Variants in ZNF333 observed in about 807,000 individuals in gnomAD.
ZNF333 encodes the protein zinc finger protein 333.
In ZNF333, 61 loss-of-function variants were observed where a neutral mutation model predicts 76.1. The ratio of observed to expected loss-of-function variants is 0.80; its 90% CI spans 0.65 to 0.99. ZNF333 has a LOEUF of 0.99. Among genes scored for constraint, ZNF333 ranks in the 50% least tolerant of loss-of-function variants. The probability of loss-of-function intolerance (pLI) is 0.00; values close to 1 mark genes in which losing one functional copy is unlikely to be tolerated. For missense variants in ZNF333, 717 were observed against 822.4 expected, an observed-to-expected ratio of 0.87 and a Z score of 1.57; for synonymous variants, 284 against 305.0, an observed-to-expected ratio of 0.93 and a Z score of 0.72.
intron 7 of ZNF333, 181 bp from the exon 8 acceptor site, chr19:14,715,200 AT>A: frequency 1.7e-6 from 1 of 579,540 alleles, no homozygotes; most frequent in South Asian, 2.0e-5. Context: ...TGTGCATGTG[AT>A]TGCATGCATG....
exon 12 of ZNF333, chr19:14,731,257 A>C: frequency 7.1e-7 from 1 of 1,416,332 alleles, no homozygotes; most frequent in African/African-American, 1.4e-5. Context: ...CTGGATATCA[A>C]AGGATCACTA....
At position 14,704,949 on chromosome 19, in the gene ZNF333, G is replaced by T. The variant is rs1599717434; in HGVS notation, c.307-105G>T. On this transcript the variant is annotated intron_variant, in intron 5 of 11. Transcript: ENST00000292530. The stretch of plus-strand genomic sequence containing the variant: ...TGAGCCACTGCACCCATCCCCATTT[G>T]CCTTGACTTCTGGCAGCCCTAAGCC... The T allele has an allele frequency of 1.4e-5, 15 of 1,052,806 alleles. No homozygotes were observed. In the East Asian group the frequency reaches 3.7e-4, roughly 26 times the overall value. 65.2% of individuals were successfully genotyped at this position (1,052,806 alleles called of 1,614,324 possible).
intron 11 of ZNF333, chr19:14,731,084 T>A: frequency 1.8e-6 from 2 of 1,130,476 alleles, no homozygotes; most frequent in Non-Finnish European, 2.6e-6. Flanking sequence ...GCACCGCCCC[T>A]CCTGCCCCCT....
intron 7 of ZNF333, among the ~76,000 whole-genome samples, chr19:14,707,615 T>C (rs2042151570): frequency 7.2e-6 from 1 of 139,050 alleles, no homozygotes; most frequent in African/African-American, 2.7e-5. Flanking sequence ...GCAGTGGCAC[T>C]ATCCCGGCTC....
At position 14,695,639 on chromosome 19, in the gene ZNF333, G is replaced by C; in HGVS notation, c.201G>C (p.Gly67=). ...QRAEPKATER[G]ILRATGVAWE... ...CAGAGCCAAAGGCAACAGAACGAGG[G>C]ATTCTCCGTGCCACAGGTGTTGGTG... Residue 67 remains glycine, a synonymous_variant, in exon 4 of 12, where the codon GGG becomes GGC. Coordinates refer to ENST00000292530, the MANE Select transcript of ZNF333 (RefSeq NM_032433.4). 1.2e-6 allele frequency: 2 copies of C among 1,614,140 alleles called. No homozygotes were observed. Among genetic ancestry groups the C allele is most frequent in the East Asian group, 4.5e-5 (2 of 44,874 alleles).
chr19:14,699,403 C>T lies in ZNF333; in HGVS notation c.306+122C>T, dbSNP rs1438072480. The T allele has an allele frequency of 4.6e-6, 4 of 860,516 alleles. No homozygotes were observed. In the Admixed American group the frequency reaches 7.9e-5, roughly 17 times the overall value. The allele number at this position is 860,516 out of a possible 1,614,324, so 53.3% of individuals were successfully genotyped here. On this transcript the variant is annotated intron_variant, in intron 5 of 11. Transcript: ENST00000292530. The stretch of plus-strand genomic sequence containing the variant: ...GCATGGGTGTCTCTTGGAAGGGAAA[C>T]AGTGTCTGAGGGGAGTGCCTGTGAC...
At position 14,704,145 on chromosome 19, in the gene ZNF333, CT is replaced by C. The variant is rs79089848; in HGVS notation, c.307-907del. Among the ~76,000 whole-genome samples, 179 of 152,218 alleles carry C rather than the reference CT, an allele frequency of 1.2e-3. 3 individuals carry two copies. In the East Asian group the frequency reaches 0.029, roughly 25 times the overall value. The stretch of plus-strand genomic sequence containing the variant: ...TCTATAGTGAAATGTCTCATAGCCT[CT>C]TCAGGGGCTCTGTCCTAACCTCAGG... On this transcript the variant is annotated intron_variant, in intron 5 of 11. Transcript: ENST00000292530.
chr19:14,699,978 T>C (rs3861315), intron 5 of ZNF333, among the ~76,000 whole-genome samples: 1 of 151,892 alleles, frequency 6.6e-6, no homozygotes, highest in Non-Finnish European at 1.5e-5. Context: ...GGCACAGATA[T>C]TGGCGAGCTT....
At chr19:14,727,195 T>C (rs2042638503) in intron 11 of ZNF333, among the ~76,000 whole-genome samples, 1 of 151,546 alleles carries the variant, frequency 6.6e-6, no homozygotes, top group East Asian at 1.9e-4. Context: ...GCCTGGCTAA[T>C]TTTTTTGTAT....
intron 5 of ZNF333, chr19:14,700,199 T>C (rs1039828493): frequency 6.6e-6 from 1 of 152,434 alleles, no homozygotes; most frequent in Non-Finnish European, 1.5e-5. Flanking sequence ...CTTTTTTTTT[T>C]TCTTAGAGAT....
intron 2 of ZNF333, among the ~76,000 whole-genome samples, chr19:14,693,979 C>A (rs28515560): frequency 0.1 from 5,907 of 59,024 alleles, 208 homozygotes; most frequent in African/African-American, 0.3. Flanking sequence ...AACCTTGTCT[C>A]TAAAAAAAAA....
In ZNF333 at chr19:14,699,220, C is replaced by T. The variant is rs1343702715; in HGVS notation, c.245C>T (p.Pro82Leu). ...TGVAWESQLK[P>L]EELPSMQDLL... is the part of the protein sequence containing the mutation. ...TCAGCCTGGGAATCTCAACTTAAAC[C>T]CGAAGAGTTGCCTTCTATGCAGGAT... is the stretch of plus-strand genomic sequence containing the variant. Residue 82 changes from proline to leucine, a missense_variant, in exon 5 of 12, where the codon CCC (proline) becomes CTC (leucine). Pro to Leu is a moderately conservative substitution (Grantham distance 98, BLOSUM62 -3). Transcript: ENST00000292530. 10 of 1,613,674 alleles carry T rather than the reference C, an allele frequency of 6.2e-6. No homozygotes were observed. Among genetic ancestry groups the T allele is most frequent in the Non-Finnish European group, 8.5e-6 (10 of 1,179,888 alleles).
intron 11 of ZNF333, among the ~76,000 whole-genome samples, chr19:14,729,385 G>A (rs1262830359): frequency 6.6e-6 from 1 of 151,878 alleles, no homozygotes; most frequent in Non-Finnish European, 1.5e-5. Context: ...TTTTGAGACA[G>A]GGTCTAATTG....
At chr19:14,731,166 C>T in intron 11 of ZNF333, 1 of 1,534,318 alleles carries the variant, frequency 6.5e-7, no homozygotes, top group South Asian at 1.2e-5. Flanking sequence ...CTTATAATTC[C>T]CTTTTCAGCC....
chr19:14,719,068 G>T lies in ZNF333; in HGVS notation c.1741G>T (p.Ala581Ser). 1 of 1,614,138 alleles carries T rather than the reference G, an allele frequency of 6.2e-7. No homozygotes were observed. Among genetic ancestry groups the T allele is most frequent in the African/African-American group, 1.3e-5 (1 of 75,042 alleles). Reference sequence around the variant, plus strand: ...TGAGCCCTCATCCCTCAGGAAACATGCAAGGACTCACAGTGGCAAGAAGCC... The same window carrying T: ...TGAGCCCTCATCCCTCAGGAAACATTCAAGGACTCACAGTGGCAAGAAGCC... ...FSEPSSLRKH[A>S]RTHSGKKPYA... Residue 581 changes from alanine to serine, a missense_variant, in exon 12 of 12, where the codon GCA becomes TCA. Coordinates refer to ENST00000292530, the MANE Select transcript of ZNF333 (RefSeq NM_032433.4).
chr19:14,704,675 T>A (rs970850726), intron 5 of ZNF333, among the ~76,000 whole-genome samples: 9 of 152,150 alleles, frequency 5.9e-5, no homozygotes, highest in Admixed American at 3.3e-4. Context: ...ACTCCCCTTA[T>A]AATAACCATC....
chr19:14,718,499 A>G lies in ZNF333; in HGVS notation c.1172A>G (p.Glu391Gly). 1 of 1,614,276 alleles carries G rather than the reference A, an allele frequency of 6.2e-7. No individual in the cohort carries two copies. The highest frequency in any genetic ancestry group is 8.5e-7 in the Non-Finnish European group (1 of 1,180,050). The change falls in exon 12 of 12, where the codon GAG (glutamate) becomes GGG (glycine). Residue 391 changes from glutamate (E) to glycine (G), a missense_variant. Glu to Gly is a moderately conservative substitution (Grantham distance 98). Coordinates refer to ENST00000292530, the MANE Select transcript of ZNF333 (RefSeq NM_032433.4). ...LIRHEKTHTA[E>G]KCFDCQECGQ... ...AGGCATGAGAAGACTCATACTGCAG[A>G]GAAGTGCTTTGACTGTCAAGAATGT...
intron 4 of ZNF333, among the ~76,000 whole-genome samples, chr19:14,696,462 G>A (rs1192381864): frequency 1.3e-5 from 2 of 152,136 alleles, no homozygotes; most frequent in African/African-American, 4.8e-5. Flanking sequence ...ATCCGGCTTA[G>A]TATAATAGTT....
intron 7 of ZNF333, among the ~76,000 whole-genome samples, chr19:14,710,572 G>GT (rs1356585578): frequency 6.6e-6 from 1 of 152,230 alleles, no homozygotes; most frequent in Non-Finnish European, 1.5e-5. Flanking sequence ...GAGGCTGGGA[G>GT]TTTGAGACCA....
Sources: gnomAD v4.1 joint callset for allele counts (sites outside exome capture counted in the v4.1 genomes callset) on GRCh38, gnomAD v4.1.1 for gene constraint, MANE v1.5 for transcripts, NCBI Gene and HGNC (gene_info 2026-07-23, HGNC 2026-07-21) for gene names.